Variants in AKAP6 observed in about 807,000 individuals in gnomAD.
AKAP6 encodes the protein A-kinase anchor protein 6.
A neutral mutation model predicts 188.5 loss-of-function variants in AKAP6; 58 were observed. The observed-to-expected ratio is 0.31, with a 90% CI of 0.25 to 0.38. The LOEUF is 0.38. Ranked by LOEUF, AKAP6 falls within the 10% of genes least tolerant of loss-of-function variation. The probability of loss-of-function intolerance (pLI) is 1.00; values close to 1 mark genes in which losing one functional copy is unlikely to be tolerated. For synonymous variants in AKAP6, 989 were observed against 998.6 expected (o/e 0.99, Z 0.18); for missense variants, 2,710 against 2,740.0 (o/e 0.99, Z 0.24).
chr14:32,560,512 GGAA>G (rs1883909761), intron 4 of AKAP6, among the ~76,000 whole-genome samples: 1 of 151,996 alleles, frequency 6.6e-6, no homozygotes. Context: ...CAATATATAC[GGAA>G]GATGATCTGC....
intron 11 of AKAP6, among the ~76,000 whole-genome samples, chr14:32,756,933 G>C (rs563600133): frequency 6.6e-6 from 1 of 152,120 alleles, no homozygotes; most frequent in Non-Finnish European, 1.5e-5. Context: ...GCCTGACAGT[G>C]GGGGAGGCTT....
At chr14:32,454,666 TCCTTCCCTCCTTCCCTCC>T (rs1891065111) in intron 2 of AKAP6, among the ~76,000 whole-genome samples, 1 of 78,466 alleles carries the variant, frequency 1.3e-5, no homozygotes, top group African/African-American at 4.9e-5. Context: ...TCTCCTTCCC[TCCTTCCCTCCTTCCCTCC>T]TTCCCTCCCT....
intron 2 of AKAP6, among the ~76,000 whole-genome samples, chr14:32,488,148 G>T (rs1035947972): frequency 6.6e-6 from 1 of 152,224 alleles, no homozygotes; most frequent in Non-Finnish European, 1.5e-5. Context: ...TCCCCCAGGT[G>T]CTCTGTCCCA....
chr14:32,730,564 G>C (rs538674326), intron 9 of AKAP6, among the ~76,000 whole-genome samples: 3 of 152,078 alleles, frequency 2.0e-5, no homozygotes, highest in Non-Finnish European at 2.9e-5. Flanking sequence ...GGTGAAGAGG[G>C]GGGGATGAGC....
At chr14:32,586,190 T>C (rs931299084) in intron 5 of AKAP6, among the ~76,000 whole-genome samples, 1 of 152,192 alleles carries the variant, frequency 6.6e-6, no homozygotes, top group South Asian at 2.1e-4. Context: ...TTATGAATTG[T>C]GTTTAAATTA....
At chr14:32,652,160 A>G (rs978638531) in intron 7 of AKAP6, among the ~76,000 whole-genome samples, 2 of 152,122 alleles carry the variant, frequency 1.3e-5, no homozygotes, top group Non-Finnish European at 2.9e-5. Flanking sequence ...AAAAGTTTCC[A>G]TAATAATGAA....
chr14:32,590,810 A>G (rs1383409326), intron 5 of AKAP6, among the ~76,000 whole-genome samples: 1 of 152,236 alleles, frequency 6.6e-6, no homozygotes, highest in Non-Finnish European at 1.5e-5. Flanking sequence ...TTTTAATTTC[A>G]GAGGTAAATG....
At chr14:32,338,201 A>G (rs1886777843) in intron 1 of AKAP6, among the ~76,000 whole-genome samples, 1 of 152,196 alleles carries the variant, frequency 6.6e-6, no homozygotes, top group African/African-American at 2.4e-5. Flanking sequence ...TTAAGAAAAT[A>G]ACATAAATTA....
chr14:32,671,603 G>T (rs1336959536), intron 7 of AKAP6, among the ~76,000 whole-genome samples: 1 of 151,924 alleles, frequency 6.6e-6, no homozygotes, highest in Admixed American at 6.6e-5. Flanking sequence ...GGCAATTTTG[G>T]GGGGTGATCA....
chr14:32,407,041 A>G (rs1889319582), intron 1 of AKAP6, among the ~76,000 whole-genome samples: 1 of 152,134 alleles, frequency 6.6e-6, no homozygotes, highest in Non-Finnish European at 1.5e-5. Context: ...TACTTTATTC[A>G]TATTCTCCTT....
Position 32,674,112 on chromosome 14 carries a change from C to T in AKAP6, c.2731-4199C>T, listed in dbSNP as rs752029347. Among the ~76,000 whole-genome samples the T allele has an allele frequency of 9.2e-4, 140 of 152,152 alleles. 3 individuals carry two copies. In the Middle Eastern group the frequency reaches 0.01, roughly 11 times the overall value. ...AATGTTCCAGTGAAAGGGAACAATA[C>T]GTGCAAAGGTCCTGAGGCAAGAAAG... On this transcript the variant is annotated intron_variant, in intron 7 of 13. Transcript: ENST00000280979.
intron 1 of AKAP6, among the ~76,000 whole-genome samples, chr14:32,346,073 G>T (rs1887056072): frequency 6.6e-6 from 1 of 152,124 alleles, no homozygotes; most frequent in Non-Finnish European, 1.5e-5. Context: ...CCAAAGGTTT[G>T]CCTTGCATCC....
In AKAP6 at chr14:32,527,598, G is replaced by A. The variant is rs535288281; in HGVS notation, c.325-7956G>A. ...TACTCCACATCCTCACCAGCATTTG[G>A]TGTTGTCAATATTCTGAATTTTGGC... On this transcript the variant is annotated intron_variant, in intron 2 of 13. Transcript: ENST00000280979. Among the ~76,000 whole-genome samples, 190 of 152,252 alleles carry A rather than the reference G, an allele frequency of 1.2e-3. 2 individuals are homozygous for A. The highest frequency in any genetic ancestry group is 4.4e-3 in the African/African-American group (184 of 41,558).
At chr14:32,812,179 ACTTT>A (rs2034254169) in intron 12 of AKAP6, among the ~76,000 whole-genome samples, 1 of 152,184 alleles carries the variant, frequency 6.6e-6, no homozygotes, top group Non-Finnish European at 1.5e-5. Flanking sequence ...AATGTATGCA[ACTTT>A]GCATGTGGTT....
chr14:32,422,547 G>C (rs1702824635), intron 1 of AKAP6, among the ~76,000 whole-genome samples: 1 of 152,140 alleles, frequency 6.6e-6, no homozygotes, highest in Admixed American at 6.5e-5. Flanking sequence ...AATTTGGGAA[G>C]CTTGTCTAAG....
At chr14:32,639,539 A>C (rs573479946) in intron 7 of AKAP6, among the ~76,000 whole-genome samples, 1 of 152,176 alleles carries the variant, frequency 6.6e-6, no homozygotes. Flanking sequence ...AATCACACCA[A>C]GCTTTTGTGG....
chr14:32,412,289 A>G (rs1451660045), intron 1 of AKAP6, among the ~76,000 whole-genome samples: 1 of 152,214 alleles, frequency 6.6e-6, no homozygotes, highest in Non-Finnish European at 1.5e-5. Flanking sequence ...TTACATATTC[A>G]GTACAAGCAT....
intron 7 of AKAP6, among the ~76,000 whole-genome samples, chr14:32,637,542 T>A (rs755219668): frequency 6.6e-6 from 1 of 152,078 alleles, no homozygotes; most frequent in Non-Finnish European, 1.5e-5. Context: ...ATTTGTAACA[T>A]ATAAGACTAT....
At chr14:32,578,314 C>T (rs1221953702) in intron 5 of AKAP6, among the ~76,000 whole-genome samples, 4 of 152,192 alleles carry the variant, frequency 2.6e-5, no homozygotes, top group East Asian at 3.9e-4. Context: ...CTTTAAAATC[C>T]TGTTGCTGCA....
Sources: allele counts gnomAD v4.1 joint callset (sites outside exome capture counted in the v4.1 genomes callset), GRCh38; gene constraint gnomAD v4.1.1; transcripts MANE v1.5; gene names NCBI Gene and HGNC (gene_info 2026-07-23, HGNC 2026-07-21).